The following SLC8A3 variants were observed in gnomAD, a reference collection of about 807,000 sequenced individuals.
The protein encoded by SLC8A3 is sodium/calcium exchanger 3.
In SLC8A3, 37 loss-of-function variants were observed where a neutral mutation model predicts 65.4. That is an observed-to-expected ratio of 0.57 (90% CI 0.44 to 0.74). SLC8A3 has a LOEUF of 0.74. Among genes scored for constraint, SLC8A3 ranks in the 30% least tolerant of loss-of-function variants. The pLI is 0.00. For missense variants in SLC8A3, 1,112 were observed against 1,172.1 expected, an observed-to-expected ratio of 0.95 and a Z score of 0.75; for synonymous variants, 461 against 444.5, an observed-to-expected ratio of 1.04 and a Z score of -0.47.
intron 2 of SLC8A3, among the ~76,000 whole-genome samples, chr14:70,136,511 G>T (rs960314335): frequency 6.6e-6 from 1 of 152,146 alleles, no homozygotes; most frequent in African/African-American, 2.4e-5. Flanking sequence ...GCATGTTCTA[G>T]AACATAATGA....
chr14:70,160,036 TA>T (rs1342562537), intron 2 of SLC8A3, among the ~76,000 whole-genome samples: 3 of 151,286 alleles, frequency 2.0e-5, no homozygotes, highest in Non-Finnish European at 4.4e-5. Flanking sequence ...AAATAAAACA[TA>T]AAAAAGGATA....
At chr14:70,159,468 A>G (rs1896760171) in intron 2 of SLC8A3, among the ~76,000 whole-genome samples, 1 of 152,112 alleles carries the variant, frequency 6.6e-6, no homozygotes, top group Non-Finnish European at 1.5e-5. Flanking sequence ...CATCTTGAAT[A>G]AGTGAAAGAC....
At chr14:70,137,181 T>A (rs1043025874) in intron 2 of SLC8A3, among the ~76,000 whole-genome samples, 6 of 151,716 alleles carry the variant, frequency 4.0e-5, no homozygotes, top group African/African-American at 1.5e-4. Flanking sequence ...AGTCTTGCTC[T>A]GTCACCCAGG....
Position 70,046,179 on chromosome 14 carries a change from C to T in SLC8A3, c.2534G>A (p.Gly845Glu), listed in dbSNP as rs1354371605. ...SVAAIYWALQ[G>E]QEFHVSAGTL... ...GCCGGCCGACACGTGGAACTCCTGT[C>T]CCTGCAGAGCCCAGTAGATGGCGGC... The change falls in exon 7 of 7, where the codon GGA becomes GAA. Residue 845 changes from glycine to glutamate, a missense_variant. Transcript: ENST00000356921. The surrounding 1 kb of genome is among the most constrained non-coding windows in gnomAD (Gnocchi z 4.2). The T allele has an allele frequency of 1.9e-6, 3 of 1,614,102 alleles. No individual in the cohort carries two copies. The highest frequency in any genetic ancestry group is 2.5e-6 in the Non-Finnish European group (3 of 1,180,044).
intron 2 of SLC8A3, among the ~76,000 whole-genome samples, chr14:70,086,204 CT>C (rs1397059634): frequency 2.0e-5 from 3 of 152,018 alleles, no homozygotes; most frequent in Non-Finnish European, 2.9e-5. Context: ...GAGACAGGTA[CT>C]AGCATTATCT....
chr14:70,169,690 G>GA (rs763715215), intron 1 of SLC8A3, among the ~76,000 whole-genome samples: 1 of 16,934 alleles, frequency 5.9e-5, no homozygotes, highest in African/African-American at 2.0e-4. Flanking sequence ...AAAAAAAAAA[G>GA]TGGGGGGGGG....
At chr14:70,089,406 T>G (rs1891666610) in intron 2 of SLC8A3, among the ~76,000 whole-genome samples, 1 of 152,142 alleles carries the variant, frequency 6.6e-6, no homozygotes, top group African/African-American at 2.4e-5. Flanking sequence ...ATGAAATGAA[T>G]GAAAAGAGAT....
intron 2 of SLC8A3, among the ~76,000 whole-genome samples, chr14:70,164,349 G>A (rs552815266): frequency 1.8e-4 from 27 of 152,258 alleles, no homozygotes; most frequent in African/African-American, 6.3e-4. Context: ...GGGGTGCCAC[G>A]TGAGAACAGA....
chr14:70,182,281 T>C (rs929087075), intron 1 of SLC8A3, among the ~76,000 whole-genome samples: 1 of 152,108 alleles, frequency 6.6e-6, no homozygotes, highest in East Asian at 1.9e-4. Flanking sequence ...TTGTTGGAGA[T>C]ACTGTGCACA....
chr14:70,167,068 G>A lies in SLC8A3; in HGVS notation c.1355C>T (p.Thr452Met), dbSNP rs747044649. 112 of 1,613,680 alleles carry A rather than the reference G, an allele frequency of 6.9e-5. No individual in the cohort carries two copies. Among genetic ancestry groups the A allele is most frequent in the Non-Finnish European group, 8.7e-5 (103 of 1,180,014 alleles). ...GGTCTCTCCTGGCTTCAGAACCACC[G>A]TGCCCTCTGTGAACTCATAGTCAGC... is the stretch of plus-strand genomic sequence containing the variant. ...AGADYEFTEGTVVLKPGETQK... is the reference protein window; with the variant it reads ...AGADYEFTEGMVVLKPGETQK... The change falls in exon 2 of 7, where the codon ACG becomes ATG. Residue 452 changes from threonine (T) to methionine (M), a missense_variant. Thr to Met is a moderately conservative substitution (Grantham distance 81). Transcript: ENST00000356921.
chr14:70,168,718 G>C (rs1316680974), intron 1 of SLC8A3, among the ~76,000 whole-genome samples: 2 of 152,164 alleles, frequency 1.3e-5, no homozygotes, highest in South Asian at 2.1e-4. Context: ...GGGAATACTG[G>C]GGATGGAAAT....
chr14:70,050,596 C>G (rs898909798), intron 5 of SLC8A3, among the ~76,000 whole-genome samples: 1 of 152,144 alleles, frequency 6.6e-6, no homozygotes, highest in African/African-American at 2.4e-5. Context: ...ACTCCTAACT[C>G]CCACATCTCT....
intron 3 of SLC8A3, chr14:70,055,813 GCT>G (rs1248672563): frequency 1.2e-6 from 2 of 1,610,176 alleles, no homozygotes; most frequent in Non-Finnish European, 1.7e-6. Flanking sequence ...TAACAGGAGC[GCT>G]GTTTGCAAAT....
At chr14:70,156,492 C>G (rs552910810) in intron 2 of SLC8A3, among the ~76,000 whole-genome samples, 1 of 152,344 alleles carries the variant, frequency 6.6e-6, no homozygotes, top group East Asian at 1.9e-4. Context: ...TACAGCCTCA[C>G]AAGTCCTTTC....
At chr14:70,066,451 T>G (rs1889433437) in intron 2 of SLC8A3, among the ~76,000 whole-genome samples, 1 of 151,302 alleles carries the variant, frequency 6.6e-6, no homozygotes, top group South Asian at 2.1e-4. Context: ...CTCTCAGGCC[T>G]CCCTCTCTTC....
intron 2 of SLC8A3, among the ~76,000 whole-genome samples, chr14:70,091,464 C>T (rs375592513): frequency 6.6e-6 from 1 of 152,102 alleles, no homozygotes; most frequent in South Asian, 2.1e-4. Flanking sequence ...TATCGTATAC[C>T]CCCTTGACTC....
chr14:70,108,585 A>G (rs1201581248), intron 2 of SLC8A3, among the ~76,000 whole-genome samples: 2 of 152,198 alleles, frequency 1.3e-5, no homozygotes, highest in East Asian at 3.9e-4. Flanking sequence ...ATGCCCCTTT[A>G]TGAATCAGAG....
intron 2 of SLC8A3, among the ~76,000 whole-genome samples, chr14:70,130,291 C>T (rs1159138174): frequency 6.6e-6 from 1 of 152,220 alleles, no homozygotes; most frequent in Non-Finnish European, 1.5e-5. Context: ...CTCAACTCAC[C>T]TGACGTTCAC....
chr14:70,172,169 C>A (rs963433691), intron 1 of SLC8A3, among the ~76,000 whole-genome samples: 1 of 152,114 alleles, frequency 6.6e-6, no homozygotes, highest in African/African-American at 2.4e-5. Flanking sequence ...CCAGGACCAC[C>A]CCAAATCATA....
Sources: gnomAD v4.1 joint callset for allele counts (sites outside exome capture counted in the v4.1 genomes callset) on GRCh38, gnomAD v4.1.1 for gene constraint, Gnocchi (gnomAD v3.1) non-coding constraint, MANE v1.5 for transcripts, NCBI Gene and HGNC (gene_info 2026-07-23, HGNC 2026-07-21) for gene names.